The following KSR2 variants were observed in gnomAD, a reference collection of about 807,000 sequenced individuals.
KSR2 encodes the protein kinase suppressor of ras 2.
A neutral mutation model predicts 107.8 loss-of-function variants in KSR2; 25 were observed. The observed-to-expected ratio is 0.23, with a 90% CI of 0.17 to 0.32. The LOEUF is 0.32. KSR2 is among the 10% of genes least tolerant of loss of function. The pLI, the probability that KSR2 is intolerant of heterozygous loss-of-function variation, is 1.00. For missense variants in KSR2, 887 were observed against 1,268.9 expected, an observed-to-expected ratio of 0.70 and a Z score of 4.57; for synonymous variants, 480 against 507.0, an observed-to-expected ratio of 0.95 and a Z score of 0.71.
chr12:117,603,024 C>T (rs1881040952), intron 5 of KSR2, among the ~76,000 whole-genome samples: 1 of 152,166 alleles, frequency 6.6e-6, no homozygotes, highest in Admixed American at 6.5e-5. Context: ...ACTTTGCTTC[C>T]TTGGCCATTA....
At chr12:117,843,929 C>CCT (rs1192410930) in intron 3 of KSR2, among the ~76,000 whole-genome samples, 86 of 127,532 alleles carry the variant, frequency 6.7e-4, no homozygotes, top group Admixed American at 1.3e-3. Context: ...TTAAGCTTCC[C>CCT]TTTTTTTTTT....
intron 17 of KSR2, among the ~76,000 whole-genome samples, chr12:117,472,589 C>A (rs1375400226): frequency 1.3e-5 from 2 of 152,182 alleles, no homozygotes; most frequent in Non-Finnish European, 2.9e-5. Flanking sequence ...AATCAGAGCA[C>A]TGTGTCAAAT....
rs541232207 is a variant in KSR2 at position 117,825,698 on chromosome 12, C to T, written c.472+29730G>A. 9.1e-4 allele frequency among the ~76,000 whole-genome samples: 138 copies of T among 152,228 alleles called. 1 individual carries two copies. The highest frequency in any genetic ancestry group is 9.0e-3 in the Admixed American group (137 of 15,276). On this transcript the variant is annotated intron_variant, in intron 3 of 19. Coordinates refer to ENST00000339824, the MANE Select transcript of KSR2 (RefSeq NM_173598.6). ...TGTCTGTCTCCCTTGTTAGATGGTT[C>T]AGTCCACAAAGGCAGGAGCTTTGCT...
intron 5 of KSR2, among the ~76,000 whole-genome samples, chr12:117,615,507 G>A (rs1177358757): frequency 6.6e-6 from 1 of 152,208 alleles, no homozygotes; most frequent in Non-Finnish European, 1.5e-5. Flanking sequence ...TGACAAAGAT[G>A]AGAGCCAATG....
intron 5 of KSR2, among the ~76,000 whole-genome samples, chr12:117,659,536 C>T (rs1326049058): frequency 6.6e-6 from 1 of 152,198 alleles, no homozygotes; most frequent in Non-Finnish European, 1.5e-5. Context: ...CACCTTGTTG[C>T]TAAGCACTTT....
chr12:117,843,486 C>T (rs1238519805), intron 3 of KSR2, among the ~76,000 whole-genome samples: 2 of 152,212 alleles, frequency 1.3e-5, no homozygotes, highest in Admixed American at 1.3e-4. Flanking sequence ...TTCCATGGCA[C>T]CCGTGTTTCC....
At chr12:117,597,749 C>T (rs1430282873) in intron 5 of KSR2, among the ~76,000 whole-genome samples, 1 of 152,246 alleles carries the variant, frequency 6.6e-6, no homozygotes, top group African/African-American at 2.4e-5. Flanking sequence ...ATTAAATATT[C>T]ACCAGTTACT....
intron 1 of KSR2, among the ~76,000 whole-genome samples, chr12:117,922,480 C>T (rs1013713465): frequency 6.6e-6 from 1 of 152,126 alleles, no homozygotes; most frequent in Non-Finnish European, 1.5e-5. Context: ...GGGTGAATAA[C>T]AGTCATAAAT....
At chr12:117,619,855 A>C (rs1391769682) in intron 5 of KSR2, among the ~76,000 whole-genome samples, 1 of 151,964 alleles carries the variant, frequency 6.6e-6, no homozygotes, top group Non-Finnish European at 1.5e-5. Flanking sequence ...AATCATTTTT[A>C]GTAAACTTGC....
At chr12:117,575,606 A>G (rs927831278) in intron 7 of KSR2, among the ~76,000 whole-genome samples, 1 of 152,214 alleles carries the variant, frequency 6.6e-6, no homozygotes, top group African/African-American at 2.4e-5. Context: ...ACACGTCTCA[A>G]CTTCAACTGG....
At chr12:117,900,396 G>A (rs1388664157) in intron 1 of KSR2, among the ~76,000 whole-genome samples, 1 of 152,202 alleles carries the variant, frequency 6.6e-6, no homozygotes, top group African/African-American at 2.4e-5. Flanking sequence ...TAAAGGAAAG[G>A]TGCTGTGGTC....
intron 4 of KSR2, among the ~76,000 whole-genome samples, chr12:117,725,023 T>A (rs1271214489): frequency 6.6e-6 from 1 of 151,594 alleles, no homozygotes; most frequent in Admixed American, 6.6e-5. Context: ...ACAGGGATGC[T>A]CAGGGCAGGC....
chr12:117,833,899 C>G (rs948777198), intron 3 of KSR2, among the ~76,000 whole-genome samples: 11 of 151,678 alleles, frequency 7.3e-5, no homozygotes, highest in Non-Finnish European at 1.6e-4. Context: ...GAGGCCGAGG[C>G]AGGCGGATCG....
chr12:117,889,557 G>A (rs1894278968), intron 1 of KSR2: 1 of 152,194 alleles, frequency 6.6e-6, no homozygotes, highest in African/African-American at 2.4e-5. Context: ...TAAATAACGA[G>A]ACGTGGGGCC....
rs539796787 is a variant in KSR2 at position 117,625,729 on chromosome 12, G to A, written c.1171+41745C>T. On this transcript the variant is annotated intron_variant, in intron 5 of 19. Transcript: ENST00000339824. ...GATGTTGGCCTCATAAAATGAGTTAGGGAGGATTCCCTCTTTTTCTATTGA... is the reference window on the plus strand; with the variant it reads ...GATGTTGGCCTCATAAAATGAGTTAAGGAGGATTCCCTCTTTTTCTATTGA... Among the ~76,000 whole-genome samples, 1,376 of 152,270 alleles carry A rather than the reference G, an allele frequency of 9.0e-3. 28 individuals are homozygous for A. Among genetic ancestry groups the A allele is most frequent in the African/African-American group, 0.032 (1,334 of 41,552 alleles).
intron 4 of KSR2, among the ~76,000 whole-genome samples, chr12:117,694,575 G>A (rs1016247668): frequency 2.6e-5 from 4 of 152,158 alleles, no homozygotes; most frequent in Non-Finnish European, 4.4e-5. Context: ...ATACCCTGAA[G>A]AACTGAAAGC....
intron 1 of KSR2, among the ~76,000 whole-genome samples, chr12:117,962,589 T>C (rs1199801011): frequency 6.6e-6 from 1 of 151,646 alleles, no homozygotes; most frequent in Non-Finnish European, 1.5e-5. Context: ...GGATTACAGG[T>C]ACCCGCTGCC....
intron 5 of KSR2, among the ~76,000 whole-genome samples, chr12:117,586,169 G>C (rs1239312885): frequency 6.6e-6 from 1 of 152,158 alleles, no homozygotes; most frequent in Admixed American, 6.6e-5. Context: ...TGGTGAATTT[G>C]AAAGCTCCCT....
At chr12:117,953,907 T>C (rs949985733) in intron 1 of KSR2, among the ~76,000 whole-genome samples, 1 of 152,052 alleles carries the variant, frequency 6.6e-6, no homozygotes, top group African/African-American at 2.4e-5. Context: ...CTGGGCAAGA[T>C]GGCAAGACCC....
Sources: gnomAD v4.1 joint callset for allele counts (sites outside exome capture counted in the v4.1 genomes callset) on GRCh38, gnomAD v4.1.1 for gene constraint, MANE v1.5 for transcripts, NCBI Gene and HGNC (gene_info 2026-07-23, HGNC 2026-07-21) for gene names.